The following CDKAL1 variants were observed in gnomAD, a reference collection of about 807,000 sequenced individuals.
CDKAL1 encodes the protein CDKAL1 threonylcarbamoyladenosine tRNA methylthiotransferase, also known as threonylcarbamoyladenosine tRNA methylthiotransferase.
Under a neutral mutation model 68.2 loss-of-function variants are expected in CDKAL1, and 32 were observed. That is an observed-to-expected ratio of 0.47 (90% confidence interval 0.35 to 0.63). The LOEUF is 0.63. Among genes scored for constraint, CDKAL1 ranks in the 30% least tolerant of loss-of-function variants. The pLI is 0.00. For missense variants in CDKAL1, 606 were observed against 696.7 expected (o/e 0.87, Z 1.47); for synonymous variants, 234 against 244.3 (o/e 0.96, Z 0.39).
At chr6:20,789,048 A>G (rs1011722265) in intron 8 of CDKAL1, among the ~76,000 whole-genome samples, 2 of 152,326 alleles carry the variant, frequency 1.3e-5, no homozygotes, top group African/African-American at 2.4e-5. Flanking sequence ...TTCTCTTACT[A>G]TAGATGATTG....
chr6:20,670,445 G>A (rs1310544929), intron 5 of CDKAL1, among the ~76,000 whole-genome samples: 2 of 152,090 alleles, frequency 1.3e-5, no homozygotes, highest in African/African-American at 2.4e-5. Context: ...CTGCCCACTC[G>A]TCCTTTTTGC....
intron 9 of CDKAL1, among the ~76,000 whole-genome samples, chr6:20,876,003 G>T (rs1188510810): frequency 6.6e-6 from 1 of 152,136 alleles, no homozygotes; most frequent in Non-Finnish European, 1.5e-5. Flanking sequence ...AGCACAGACC[G>T]AATTGAAAAA....
intron 8 of CDKAL1, among the ~76,000 whole-genome samples, chr6:20,822,686 TAGTG>T (rs763292536): frequency 1.3e-5 from 2 of 152,166 alleles, no homozygotes; most frequent in Non-Finnish European, 2.9e-5. Context: ...GTTCTCATGA[TAGTG>T]AGTGAGTTCT....
intron 12 of CDKAL1, among the ~76,000 whole-genome samples, chr6:21,093,523 A>G (rs988180186): frequency 6.6e-6 from 1 of 152,162 alleles, no homozygotes; most frequent in African/African-American, 2.4e-5. Flanking sequence ...GAGAATAGAC[A>G]GATTGAACCA....
chr6:20,913,247 G>T (rs750595958), intron 9 of CDKAL1, among the ~76,000 whole-genome samples: 2 of 151,838 alleles, frequency 1.3e-5, no homozygotes, highest in Admixed American at 6.6e-5. Context: ...TCTACTCAGG[G>T]TCTCTCACAA....
intron 9 of CDKAL1, among the ~76,000 whole-genome samples, chr6:20,869,699 A>G (rs1242795873): frequency 6.6e-6 from 1 of 152,228 alleles, no homozygotes; most frequent in Non-Finnish European, 1.5e-5. Context: ...ATGCTTTCAC[A>G]TAACATTAAA....
At chr6:20,731,220 G>C (rs1772910620) in intron 5 of CDKAL1, among the ~76,000 whole-genome samples, 1 of 152,196 alleles carries the variant, frequency 6.6e-6, no homozygotes, top group South Asian at 2.1e-4. Flanking sequence ...GATGATATAT[G>C]AAACGATTTT....
At chr6:20,982,000 G>A (rs949088385) in intron 10 of CDKAL1, among the ~76,000 whole-genome samples, 6 of 152,092 alleles carry the variant, frequency 3.9e-5, no homozygotes, top group Non-Finnish European at 7.4e-5. Context: ...AAAAGTCAGA[G>A]TACTTGATGT....
chr6:20,665,615 CTG>C lies in CDKAL1; in HGVS notation c.371+16240_371+16241del, dbSNP rs1581922384. 3.3e-5 allele frequency among the ~76,000 whole-genome samples: 5 copies of C among 151,982 alleles called. No individual in the cohort carries two copies. The East Asian group carries it at 9.7e-4, about 29-fold the overall frequency. On this transcript the variant is annotated intron_variant, in intron 5 of 15. Transcript: ENST00000274695. ...TTTCACAGAGGTTGGATTCCTGAAA[CTG>C]TACAAGAAATACTTAAAATAAGTCC...
chr6:20,942,209 C>T (rs73735034), intron 9 of CDKAL1, among the ~76,000 whole-genome samples: 12,810 of 152,046 alleles, frequency 0.084, 897 homozygotes, highest in African/African-American at 0.19. Flanking sequence ...TCACAATCTA[C>T]GTTCAAATAA....
At chr6:21,101,228 T>C (rs1454675194) in intron 12 of CDKAL1, among the ~76,000 whole-genome samples, 1 of 152,186 alleles carries the variant, frequency 6.6e-6, no homozygotes, top group Non-Finnish European at 1.5e-5. Flanking sequence ...GGCTAACAGT[T>C]GGAAGAGACC....
intron 10 of CDKAL1, among the ~76,000 whole-genome samples, chr6:20,962,672 T>A (rs1765110918): frequency 6.6e-6 from 1 of 152,224 alleles, no homozygotes; most frequent in South Asian, 2.1e-4. Flanking sequence ...AACATTTCTT[T>A]TCCTTAGGGT....
intron 5 of CDKAL1, among the ~76,000 whole-genome samples, chr6:20,660,050 C>A (rs1769214460): frequency 6.6e-6 from 1 of 152,068 alleles, no homozygotes; most frequent in East Asian, 1.9e-4. Context: ...TCCACCCACC[C>A]CACATTAATC....
chr6:21,015,784 A>G (rs1211326388), intron 11 of CDKAL1, among the ~76,000 whole-genome samples: 1 of 151,852 alleles, frequency 6.6e-6, no homozygotes, highest in African/African-American at 2.4e-5. Context: ...AAAATTAGCC[A>G]GGCGTGATGG....
chr6:20,997,702 C>G (rs2150812008), intron 10 of CDKAL1, among the ~76,000 whole-genome samples: 1 of 152,296 alleles, frequency 6.6e-6, no homozygotes, highest in East Asian at 1.9e-4. Context: ...GCACCACCCT[C>G]TCTGGCCCGG....
At chr6:20,870,789 A>C (rs1160751679) in intron 9 of CDKAL1, among the ~76,000 whole-genome samples, 3 of 152,214 alleles carry the variant, frequency 2.0e-5, no homozygotes, top group Admixed American at 2.0e-4. Flanking sequence ...CAATTGTTTC[A>C]ACATGTAAAT....
chr6:21,053,984 A>G (rs1212838928), intron 11 of CDKAL1, among the ~76,000 whole-genome samples: 3 of 152,100 alleles, frequency 2.0e-5, no homozygotes, highest in Admixed American at 6.6e-5. Context: ...ACTTTTACGG[A>G]TTGTGCTTTC....
At chr6:20,662,505 A>G (rs1198459757) in intron 5 of CDKAL1, among the ~76,000 whole-genome samples, 4 of 152,164 alleles carry the variant, frequency 2.6e-5, no homozygotes, top group South Asian at 2.1e-4. Flanking sequence ...TGTACCTTTG[A>G]TGAAAGGATG....
intron 2 of CDKAL1, among the ~76,000 whole-genome samples, chr6:20,544,413 C>T (rs182326664): frequency 0.011 from 1,728 of 151,418 alleles, 29 homozygotes; most frequent in African/African-American, 0.038. Context: ...CTGGCTAACA[C>T]GGTGAAACCC....
Sources: allele counts gnomAD v4.1 joint callset (sites outside exome capture counted in the v4.1 genomes callset), GRCh38; gene constraint gnomAD v4.1.1; transcripts MANE v1.5; gene names NCBI Gene and HGNC (gene_info 2026-07-23, HGNC 2026-07-21).